The following ZNF580 variants were observed in gnomAD, a reference collection of about 807,000 sequenced individuals.
ZNF580 encodes zinc finger protein 580.
A neutral mutation model predicts 1.3 loss-of-function variants in ZNF580; 1 was observed. The observed-to-expected ratio is 0.77, with a 90% CI of 0.27 to 3.65. The LOEUF (loss-of-function observed/expected upper bound fraction) is 3.65. Among genes scored for constraint, ZNF580 ranks in the 30% most tolerant of loss-of-function variants. The pLI, the probability that ZNF580 is intolerant of heterozygous loss-of-function variation, is 0.19. For missense variants in ZNF580, 268 were observed against 272.3 expected, an observed-to-expected ratio of 0.98 and a Z score of 0.11; for synonymous variants, 135 against 128.8, an observed-to-expected ratio of 1.05 and a Z score of -0.32.
chr19:55,643,170 G>A lies in ZNF580; in HGVS notation c.*143G>A, dbSNP rs888857525. 1 of 1,238,760 alleles carries A rather than the reference G, an allele frequency of 8.1e-7. No individual in the cohort carries two copies. Among genetic ancestry groups the A allele is most frequent in the Non-Finnish European group, 1.0e-6 (1 of 971,746 alleles). The allele number at this position is 1,238,760 out of a possible 1,614,324, so 76.7% of individuals were successfully genotyped here. A position where few individuals can be genotyped will look rare whatever the true frequency, so the allele number is the denominator to read the frequency against. Reference sequence around the variant, plus strand: ...GGCCTCAGTTTCCCCACCTTCCAAAGGGAGGAGCATCATTCCTTCCTTACC... The same window carrying A: ...GGCCTCAGTTTCCCCACCTTCCAAAAGGAGGAGCATCATTCCTTCCTTACC... On this transcript the variant is annotated 3_prime_UTR_variant, in exon 2 of 2. Coordinates refer to ENST00000325333, the MANE Select transcript of ZNF580 (RefSeq NM_207115.2).
At position 55,642,477 on chromosome 19, in the gene ZNF580, C is replaced by G. The variant is rs747494942; in HGVS notation, c.-12-20C>G. Reference sequence around the variant, plus strand: ...AAAGGAAGTGGCAATTTTAACTAATCTCCCCTCCGCCGCTCCCAGCTGCCG... The same window carrying G: ...AAAGGAAGTGGCAATTTTAACTAATGTCCCCTCCGCCGCTCCCAGCTGCCG... On this transcript the variant is annotated intron_variant, in intron 1 of 1. Transcript: ENST00000325333. 7.1e-7 allele frequency: 1 copy of G among 1,408,052 alleles called. No individual in the cohort carries two copies. The highest frequency in any genetic ancestry group is 2.9e-5 in the Admixed American group (1 of 34,154). The allele number at this position is 1,408,052 out of a possible 1,614,324, so 87.2% of individuals were successfully genotyped here. A position where few individuals can be genotyped will look rare whatever the true frequency, so the allele number is the denominator to read the frequency against.
Position 55,642,751 on chromosome 19 carries a change from G to GCC in ZNF580, c.247_248dup (p.Gly84GlnfsTer108). 7 of 1,530,252 alleles carry GCC rather than the reference G, an allele frequency of 4.6e-6. No individual in the cohort carries two copies. The highest frequency in any genetic ancestry group is 6.1e-6 in the Non-Finnish European group (7 of 1,142,832). 94.8% of individuals were successfully genotyped at this position (1,530,252 alleles called of 1,614,324 possible). Reference sequence around the variant, plus strand: ...CCCGGGGCCCGCCCCAGCGCGAGGCGCCCCCAGGAGAGCCCGGCCCTCGCA... The same window carrying GCC: ...CCCGGGGCCCGCCCCAGCGCGAGGCGCCCCCCCAGGAGAGCCCGGCCCTCGCA... On this transcript the variant is annotated frameshift_variant, in exon 2 of 2. Transcript: ENST00000325333. LOFTEE classifies it low-confidence loss of function (END_TRUNC).
At position 55,642,911 on chromosome 19, in the gene ZNF580, C is replaced by T; in HGVS notation, c.403C>T (p.Leu135=). 6.5e-7 allele frequency: 1 copy of T among 1,530,386 alleles called. No individual in the cohort carries two copies. The highest frequency in any genetic ancestry group is 1.2e-5 in the South Asian group (1 of 82,198). 94.8% of individuals were successfully genotyped at this position (1,530,386 alleles called of 1,614,324 possible). The change falls in exon 2 of 2, where the codon CTG becomes TTG. Residue 135 remains leucine (L), a synonymous_variant. Coordinates refer to ENST00000325333, the MANE Select transcript of ZNF580 (RefSeq NM_207115.2). ...CGKAFKRSSH[L]SRHRATHRAR... ...CAAGGCCTTCAAGCGCTCCAGCCAC[C>T]TGTCGCGGCATCGCGCCACGCACCG...
chr19:55,642,276 T>C, intron 1 of ZNF580: 2 of 1,241,924 alleles, frequency 1.6e-6, no homozygotes, highest in Non-Finnish European at 2.0e-6. Flanking sequence ...GAGTGGCAGG[T>C]GGTGGCGGGG....
Position 55,641,106 on chromosome 19 carries a change from C to T in ZNF580, c.-90C>T. 3.0e-6 allele frequency: 3 copies of T among 985,406 alleles called. No homozygotes were observed. The highest frequency in any genetic ancestry group is 3.6e-6 in the Non-Finnish European group (3 of 829,938). The allele number at this position is 985,406 out of a possible 1,614,324, so 61.0% of individuals were successfully genotyped here. ...CTGCCCGGAAGTCTCGGTTCCGCCG[C>T]CGGCGCTCGCCAGGGGAAGCCCGGG... On this transcript the variant is annotated 5_prime_UTR_variant, in exon 1 of 2. Transcript: ENST00000325333.
Position 55,643,136 on chromosome 19 carries a change from C to T in ZNF580, c.*109C>T. 1 of 1,250,034 alleles carries T rather than the reference C, an allele frequency of 8.0e-7. No individual in the cohort carries two copies. Among genetic ancestry groups the T allele is most frequent in the Non-Finnish European group, 1.0e-6 (1 of 995,298 alleles). 77.4% of individuals were successfully genotyped at this position (1,250,034 alleles called of 1,614,324 possible). A position where few individuals can be genotyped will look rare whatever the true frequency, so the allele number is the denominator to read the frequency against. ...CCCCTGGCTCTGCTGAGGTTACTGC[C>T]TTACCCTGGGCCTCAGTTTCCCCAC... On this transcript the variant is annotated 3_prime_UTR_variant, in exon 2 of 2. Transcript: ENST00000325333.
rs575803879 is a variant in ZNF580 at position 55,641,938 on chromosome 19, G to A, written c.-12-559G>A. On this transcript the variant is annotated intron_variant, in intron 1 of 1. Transcript: ENST00000325333. ...GGGGAGGTACCTAGAGAGGAAGTGAGGGAGGCCACGGAATATGAAGATGGG... is the reference window on the plus strand; with the variant it reads ...GGGGAGGTACCTAGAGAGGAAGTGAAGGAGGCCACGGAATATGAAGATGGG... The A allele has an allele frequency of 6.6e-5, 41 of 624,522 alleles. No individual in the cohort carries two copies. The African/African-American group carries it at 7.6e-4, about 12-fold the overall frequency. The allele number at this position is 624,522 out of a possible 1,614,324, so 38.7% of individuals were successfully genotyped here.
intron 1 of ZNF580, 112 bp from the exon 2 acceptor site, chr19:55,642,385 C>T (rs990048983): frequency 1.5e-6 from 2 of 1,303,772 alleles, no homozygotes; most frequent in African/African-American, 3.2e-5. Context: ...GGGAGGTAGT[C>T]AGTGGCGCAC....
intron 1 of ZNF580, chr19:55,642,223 C>A (rs962119381): frequency 3.8e-5 from 45 of 1,190,252 alleles, no homozygotes; most frequent in Admixed American, 1.8e-4. Flanking sequence ...CGGGGGACTA[C>A]GTCCTCAGAC....
At chr19:55,642,293 A>G in intron 1 of ZNF580, 17 of 1,245,794 alleles carry the variant, frequency 1.4e-5, no homozygotes, top group Non-Finnish European at 1.7e-5. Flanking sequence ...GGGGTTTTGC[A>G]GAGCTCAGTT....
In ZNF580 at chr19:55,641,158, C is replaced by T. The variant is rs998318933; in HGVS notation, c.-38C>T. 4.1e-6 allele frequency: 4 copies of T among 985,320 alleles called. No individual in the cohort carries two copies. Among genetic ancestry groups the T allele is most frequent in the Non-Finnish European group, 4.8e-6 (4 of 829,962 alleles). 61.0% of individuals were successfully genotyped at this position (985,320 alleles called of 1,614,324 possible). A position where few individuals can be genotyped will look rare whatever the true frequency, so the allele number is the denominator to read the frequency against. On this transcript the variant is annotated 5_prime_UTR_variant, in exon 1 of 2. Coordinates refer to ENST00000325333, the MANE Select transcript of ZNF580 (RefSeq NM_207115.2). ...CCGCCCGGGACCTCGGCCCGTTCCT[C>T]CGGACCCGAGAGGCCGCCGCACGGG... is the stretch of plus-strand genomic sequence containing the variant.
intron 1 of ZNF580, chr19:55,642,027 G>T (rs546668222): frequency 1.0e-6 from 1 of 964,272 alleles, no homozygotes; most frequent in East Asian, 1.3e-4. Context: ...CGGTGGGGGG[G>T]TAGGGGGCGG....
chr19:55,642,272 C>G (rs1489773418), intron 1 of ZNF580: 1 of 1,241,228 alleles, frequency 8.1e-7, no homozygotes, highest in Non-Finnish European at 1.0e-6. Context: ...GGAGGAGTGG[C>G]AGGTGGTGGC....
Position 55,641,022 on chromosome 19 carries a change from C to T in ZNF580, c.-174C>T. On this transcript the variant is annotated 5_prime_UTR_variant, in exon 1 of 2. Coordinates refer to ENST00000325333, the MANE Select transcript of ZNF580 (RefSeq NM_207115.2). ...CCGGCGCCTTTTCCCAGGGACTCCG[C>T]CAACCCCTCGCACCCCCGCGCCCCC... The T allele has an allele frequency of 1.0e-6, 1 of 985,346 alleles. No homozygotes were observed. Among genetic ancestry groups the T allele is most frequent in the African/African-American group, 1.7e-5 (1 of 57,346 alleles). The allele number at this position is 985,346 out of a possible 1,614,324, so 61.0% of individuals were successfully genotyped here. A position where few individuals can be genotyped will look rare whatever the true frequency, so the allele number is the denominator to read the frequency against.
chr19:55,642,169 A>T (rs551240955), intron 1 of ZNF580: 3 of 1,085,626 alleles, frequency 2.8e-6, no homozygotes, highest in South Asian at 8.8e-5. Flanking sequence ...TTAGGGATTG[A>T]TTGTCTGCTG....
rs780485166 is a variant in ZNF580 at position 55,642,827 on chromosome 19, C to G, written c.319C>G (p.Leu107Val). The change falls in exon 2 of 2, where the codon CTG becomes GTG. Residue 107 changes from leucine to valine, a missense_variant. By Grantham distance (32) the Leu-to-Val change is conservative. Transcript: ENST00000325333. ...CARVFASPLRLQSHRVSHSDL... is the reference protein window; with the variant it reads ...CARVFASPLRVQSHRVSHSDL... The stretch of plus-strand genomic sequence containing the variant: ...CCGTGTCTTTGCCAGCCCTCTGCGG[C>G]TGCAGAGCCACCGCGTGTCGCACTC... 1.9e-6 allele frequency: 3 copies of G among 1,575,302 alleles called. No individual in the cohort carries two copies. In the African/African-American group the frequency reaches 4.1e-5, roughly 21 times the overall value.
rs1005818255 is a variant in ZNF580, at chr19:55,642,521, C to G, written c.13C>G (p.Pro5Ala). 7.0e-7 allele frequency: 1 copy of G among 1,438,740 alleles called. No homozygotes were observed. Among genetic ancestry groups the G allele is most frequent in the Non-Finnish European group, 9.1e-7 (1 of 1,098,288 alleles). 89.1% of individuals were successfully genotyped at this position (1,438,740 alleles called of 1,614,324 possible). ...GCTGCCGCTCCAGATGCTGCTGCTG[C>G]CGCCGCGGCCACCCCACCCTCGGTC... MLLLPPRPPHPRSSS... is the reference protein window; with the variant it reads MLLLAPRPPHPRSSS... Residue 5 changes from proline (P) to alanine (A), a missense_variant, in exon 2 of 2, where the codon CCG becomes GCG. Pro to Ala is a conservative substitution (Grantham distance 27). Around this residue, in one of 2 missense-constraint regions of ZNF580, gnomAD observed 225 missense variants for 201.7 expected, o/e 1.12. Transcript: ENST00000325333.
At position 55,643,078 on chromosome 19, in the gene ZNF580, G is replaced by C; in HGVS notation, c.*51G>C. The C allele has an allele frequency of 7.5e-7, 1 of 1,336,638 alleles. No homozygotes were observed. Among genetic ancestry groups the C allele is most frequent in the Non-Finnish European group, 9.6e-7 (1 of 1,041,120 alleles). The allele number at this position is 1,336,638 out of a possible 1,614,324, so 82.8% of individuals were successfully genotyped here. ...TGCCCGTCTCAGGGCCACCAAGTCT[G>C]ACCCACACAGCGTCACTCACTCCCA... On this transcript the variant is annotated 3_prime_UTR_variant, in exon 2 of 2. Transcript: ENST00000325333.
rs781537900 is a variant in ZNF580 at position 55,642,589 on chromosome 19, C to A, written c.81C>A (p.Pro27=). The A allele has an allele frequency of 1.2e-5, 18 of 1,451,844 alleles. No homozygotes were observed. The South Asian group carries it at 2.6e-4, about 21-fold the overall frequency. The allele number at this position is 1,451,844 out of a possible 1,614,324, so 89.9% of individuals were successfully genotyped here. A position where few individuals can be genotyped will look rare whatever the true frequency, so the allele number is the denominator to read the frequency against. ...EAMDPPPPKA[P]PFPKAEGPSS... ...TGGACCCACCGCCCCCCAAGGCTCCCCCTTTCCCCAAGGCGGAAGGCCCCT... is the reference window on the plus strand; with the variant it reads ...TGGACCCACCGCCCCCCAAGGCTCCACCTTTCCCCAAGGCGGAAGGCCCCT... The change falls in exon 2 of 2, where the codon CCC becomes CCA. Residue 27 remains proline, a synonymous_variant. Coordinates refer to ENST00000325333, the MANE Select transcript of ZNF580 (RefSeq NM_207115.2).
Sources: allele counts gnomAD v4.1 joint callset, GRCh38; gene constraint gnomAD v4.1.1; regional missense constraint gnomAD v4.1.1; transcripts MANE v1.5; gene names NCBI Gene and HGNC (gene_info 2026-07-23, HGNC 2026-07-21).